Variants in GRIK1 observed in about 807,000 individuals in gnomAD.
The protein encoded by GRIK1 is glutamate ionotropic receptor kainate type subunit 1.
A neutral mutation model predicts 105.7 loss-of-function variants in GRIK1; 69 were observed. The observed-to-expected ratio is 0.65, with a 90% CI of 0.54 to 0.80. GRIK1 has a LOEUF of 0.80. Ranked by LOEUF, GRIK1 falls within the 30% of genes least tolerant of loss-of-function variation. The pLI, the probability that GRIK1 is intolerant of heterozygous loss-of-function variation, is 0.00. For missense variants in GRIK1, 1,109 were observed against 1,167.3 expected (o/e 0.95, Z 0.73); for synonymous variants, 438 against 431.3 (o/e 1.02, Z -0.19).
At chr21:29,838,942 A>T (rs912552591) in intron 1 of GRIK1, among the ~76,000 whole-genome samples, 1 of 152,224 alleles carries the variant, frequency 6.6e-6, no homozygotes, top group East Asian at 1.9e-4. Context: ...TATTTGGTGG[A>T]CAAGATGGAA....
intron 2 of GRIK1, among the ~76,000 whole-genome samples, chr21:29,691,550 C>A (rs2063585216): frequency 6.6e-6 from 1 of 152,128 alleles, no homozygotes. Flanking sequence ...GCAGTTTGCC[C>A]TCTACAACCA....
intron 4 of GRIK1, among the ~76,000 whole-genome samples, chr21:29,661,732 A>G (rs1046565746): frequency 3.3e-5 from 5 of 152,238 alleles, no homozygotes; most frequent in Non-Finnish European, 7.3e-5. Context: ...TGATTATGGC[A>G]TATGAAATCG....
rs528219486 is a variant in GRIK1 at position 29,845,826 on chromosome 21, G to A, written c.118+93557C>T. Reference sequence around the variant, plus strand: ...AGTTTGTTGAAGAATTGGGTGTGGAGGGGAAGCAAAGTAGGAAGTGAGTGG... The same window carrying A: ...AGTTTGTTGAAGAATTGGGTGTGGAAGGGAAGCAAAGTAGGAAGTGAGTGG... On this transcript the variant is annotated intron_variant, in intron 1 of 17. Coordinates refer to ENST00000327783, the MANE Select transcript of GRIK1 (RefSeq NM_001330994.2). Among the ~76,000 whole-genome samples the A allele has an allele frequency of 1.5e-4, 23 of 152,210 alleles. No homozygotes were observed. The South Asian group carries it at 3.5e-3, about 23-fold the overall frequency.
At chr21:29,737,303 A>T (rs1465886000) in intron 1 of GRIK1, among the ~76,000 whole-genome samples, 2 of 152,174 alleles carry the variant, frequency 1.3e-5, no homozygotes, top group Non-Finnish European at 2.9e-5. Context: ...GGATGGGGGA[A>T]GTTGTAGCTC....
At chr21:29,855,833 G>A (rs996109107) in intron 1 of GRIK1, among the ~76,000 whole-genome samples, 1 of 152,146 alleles carries the variant, frequency 6.6e-6, no homozygotes, top group Non-Finnish European at 1.5e-5. Context: ...AGACACGATC[G>A]GTAGGATTTT....
At chr21:29,697,245 C>T (rs897584209) in intron 1 of GRIK1, among the ~76,000 whole-genome samples, 12 of 152,114 alleles carry the variant, frequency 7.9e-5, no homozygotes, top group African/African-American at 2.9e-4. Context: ...GCCCTGAAAA[C>T]TCAAAAATTC....
chr21:29,880,190 T>C (rs1366862690), intron 1 of GRIK1, among the ~76,000 whole-genome samples: 1 of 152,158 alleles, frequency 6.6e-6, no homozygotes, highest in Non-Finnish European at 1.5e-5. Flanking sequence ...TATTATTCAG[T>C]GTACCATTTA....
chr21:29,925,952 A>G lies in GRIK1; in HGVS notation c.118+13431T>C, dbSNP rs73898571. Among the ~76,000 whole-genome samples the G allele has an allele frequency of 2.6e-3, 390 of 152,210 alleles. 2 individuals are homozygous for G. Among genetic ancestry groups the G allele is most frequent in the African/African-American group, 8.7e-3 (362 of 41,534 alleles). ...ATAATACAAATTGTAATGGCCGTAG[A>G]CTCTAATTATTCTAAATTGTTAAGC... On this transcript the variant is annotated intron_variant, in intron 1 of 17. Transcript: ENST00000327783.
chr21:29,858,485 G>A (rs1601870384), intron 1 of GRIK1, among the ~76,000 whole-genome samples: 1 of 152,076 alleles, frequency 6.6e-6, no homozygotes. Flanking sequence ...ACTCCCCGGC[G>A]GCTGTTCCTA....
chr21:29,877,027 T>C (rs962578092), intron 1 of GRIK1, among the ~76,000 whole-genome samples: 1 of 152,184 alleles, frequency 6.6e-6, no homozygotes, highest in African/African-American at 2.4e-5. Context: ...TGGTGAAAAG[T>C]ATACTTTCAA....
intron 1 of GRIK1, among the ~76,000 whole-genome samples, chr21:29,888,195 T>TTCTCTCTCTCTCTCTCTC (rs780446480): frequency 4.5e-5 from 1 of 22,150 alleles, no homozygotes; most frequent in African/African-American, 7.1e-5. Flanking sequence ...CTTTCTTTCT[T>TTCTCTCTCTCTCTCTCTC]TCTCTCTCTC....
At chr21:29,582,697 C>A (rs2091048545) in intron 12 of GRIK1, among the ~76,000 whole-genome samples, 1 of 152,128 alleles carries the variant, frequency 6.6e-6, no homozygotes. Context: ...TCCAAAAAGA[C>A]ATTAGCAGAA....
chr21:29,930,412 C>G (rs1335378441), intron 1 of GRIK1, among the ~76,000 whole-genome samples: 1 of 152,150 alleles, frequency 6.6e-6, no homozygotes, highest in Non-Finnish European at 1.5e-5. Context: ...TGAGTCCTCA[C>G]AATGAAAGAA....
chr21:29,577,582 A>T (rs1166056372), intron 13 of GRIK1, among the ~76,000 whole-genome samples: 2 of 152,228 alleles, frequency 1.3e-5, no homozygotes, highest in Admixed American at 1.3e-4. Flanking sequence ...TTGAAATGCT[A>T]ACATTTTTAT....
chr21:29,813,918 T>G (rs2067079842), intron 1 of GRIK1, among the ~76,000 whole-genome samples: 1 of 147,894 alleles, frequency 6.8e-6, no homozygotes, highest in African/African-American at 2.5e-5. Context: ...ACATTCTTTT[T>G]TTTTTTTTTT....
chr21:29,830,957 G>A (rs1244167822), intron 1 of GRIK1, among the ~76,000 whole-genome samples: 1 of 152,108 alleles, frequency 6.6e-6, no homozygotes, highest in African/African-American at 2.4e-5. Flanking sequence ...TAATCATTCA[G>A]TTGGGAGGGG....
chr21:29,702,045 A>C (rs989563030), intron 1 of GRIK1, among the ~76,000 whole-genome samples: 26 of 152,240 alleles, frequency 1.7e-4, no homozygotes, highest in Non-Finnish European at 5.9e-5. Flanking sequence ...ATGCAGGAAC[A>C]GAAAACCAAA....
intron 8 of GRIK1, among the ~76,000 whole-genome samples, chr21:29,598,006 G>GC (rs2061449260): frequency 6.6e-6 from 1 of 152,114 alleles, no homozygotes; most frequent in South Asian, 2.1e-4. Flanking sequence ...CACTATAGTG[G>GC]GAAAAAAAAT....
chr21:29,538,871 A>AT (rs2089924584), intron 16 of GRIK1, among the ~76,000 whole-genome samples: 1 of 152,032 alleles, frequency 6.6e-6, no homozygotes, highest in Non-Finnish European at 1.5e-5. Context: ...AGTAGTTTTA[A>AT]TTTTTCTATT....
Sources: allele counts gnomAD v4.1 joint callset (sites outside exome capture counted in the v4.1 genomes callset), GRCh38; gene constraint gnomAD v4.1.1; transcripts MANE v1.5; gene names NCBI Gene and HGNC (gene_info 2026-07-23, HGNC 2026-07-21).